Variants in ERC2 observed in about 807,000 individuals in gnomAD.
The protein encoded by ERC2 is ELKS/RAB6-interacting/CAST family member 2.
Under a neutral mutation model 114.8 loss-of-function variants are expected in ERC2, and 42 were observed. The observed-to-expected ratio is 0.37, with a 90% CI of 0.29 to 0.47. The LOEUF is 0.47. Ranked by LOEUF, ERC2 falls within the 20% of genes least tolerant of loss-of-function variation. The pLI, the probability that ERC2 is intolerant of heterozygous loss-of-function variation, is 0.99. For synonymous variants in ERC2, 454 were observed against 425.5 expected (o/e 1.07, Z -0.82); for missense variants, 939 against 1,150.7 (o/e 0.82, Z 2.66).
Position 55,834,390 on chromosome 3 carries a change from C to G in ERC2, c.2564+53999G>C, listed in dbSNP as rs142509206. On this transcript the variant is annotated intron_variant, in intron 14 of 17. Transcript: ENST00000288221. ...GCTCTCCTCAGCAAATGTAAAAGAA[C>G]AGAAGTTATAACAAATGGTCTCTCA... 2.2e-4 allele frequency among the ~76,000 whole-genome samples: 34 copies of G among 152,200 alleles called. No individual in the cohort carries two copies. In the East Asian group the frequency reaches 3.5e-3, roughly 16 times the overall value.
At chr3:55,866,732 G>A (rs1000010955) in intron 14 of ERC2, among the ~76,000 whole-genome samples, 12 of 152,134 alleles carry the variant, frequency 7.9e-5, no homozygotes, top group African/African-American at 2.7e-4. Context: ...TACCAATAAT[G>A]TCTTCCTTAA....
intron 2 of ERC2, among the ~76,000 whole-genome samples, chr3:56,327,449 T>G (rs35958142): frequency 0.35 from 53,456 of 151,978 alleles, 9,510 homozygotes; most frequent in African/African-American, 0.37. Flanking sequence ...AATTCAAGAT[T>G]AGACACAAAG....
intron 3 of ERC2, among the ~76,000 whole-genome samples, chr3:56,235,751 T>A (rs1163823719): frequency 6.6e-6 from 1 of 152,210 alleles, no homozygotes; most frequent in Non-Finnish European, 1.5e-5. Context: ...ATGTGAAATA[T>A]AATTAAAAGT....
intron 2 of ERC2, among the ~76,000 whole-genome samples, chr3:56,339,788 TA>T (rs547908550): frequency 8.9e-4 from 135 of 152,136 alleles, no homozygotes; most frequent in African/African-American, 3.0e-3. Context: ...GTATAAACAA[TA>T]GGGACAACAC....
chr3:56,101,387 C>T (rs2078346573), intron 6 of ERC2, among the ~76,000 whole-genome samples: 2 of 112,882 alleles, frequency 1.8e-5, no homozygotes, highest in South Asian at 5.4e-4. Context: ...ATACGTGCTT[C>T]ACCTGTTCCT....
intron 13 of ERC2, among the ~76,000 whole-genome samples, chr3:55,905,403 C>T (rs1296605316): frequency 6.6e-6 from 1 of 151,354 alleles, no homozygotes; most frequent in African/African-American, 2.5e-5. Context: ...TTTTTGTGGA[C>T]CTCACAGTTT....
intron 6 of ERC2, among the ~76,000 whole-genome samples, chr3:56,125,903 G>A (rs1458248255): frequency 6.6e-6 from 1 of 152,142 alleles, no homozygotes; most frequent in East Asian, 1.9e-4. Context: ...AATTCAAAGA[G>A]CCCATGCAGG....
intron 15 of ERC2, among the ~76,000 whole-genome samples, chr3:55,716,378 G>C (rs1222619721): frequency 1.3e-5 from 2 of 152,166 alleles, no homozygotes; most frequent in African/African-American, 4.8e-5. Flanking sequence ...CTCCATAACA[G>C]TTGGGTTCAA....
At chr3:56,050,016 T>C (rs1248861402) in intron 7 of ERC2, among the ~76,000 whole-genome samples, 1 of 151,930 alleles carries the variant, frequency 6.6e-6, no homozygotes, top group African/African-American at 2.4e-5. Flanking sequence ...AAGGCAAAAC[T>C]ATTGGGACGA....
chr3:55,719,555 TG>T (rs2064326958), intron 15 of ERC2, among the ~76,000 whole-genome samples: 1 of 152,198 alleles, frequency 6.6e-6, no homozygotes, highest in Admixed American at 6.5e-5. Context: ...CAGCTCTGGT[TG>T]GGTCTGCTCC....
chr3:56,114,920 A>C lies in ERC2; in HGVS notation c.1473+24589T>G, dbSNP rs767388033. ...CCAGATTGTCTTTGTAAAGCCAACA[A>C]ATTAGCCACAAGATTAGAAATCATG... is the stretch of plus-strand genomic sequence containing the variant. On this transcript the variant is annotated intron_variant, in intron 6 of 17. Transcript: ENST00000288221. Among the ~76,000 whole-genome samples the C allele has an allele frequency of 3.3e-5, 5 of 152,184 alleles. 1 individual carries two copies. Among genetic ancestry groups the C allele is most frequent in the Non-Finnish European group, 7.3e-5 (5 of 68,028 alleles).
chr3:56,211,024 C>T (rs2049027311), intron 3 of ERC2, among the ~76,000 whole-genome samples: 1 of 152,160 alleles, frequency 6.6e-6, no homozygotes, highest in South Asian at 2.1e-4. Context: ...AGTTGCTAGA[C>T]TTCCAAAGCT....
At chr3:55,564,093 C>T (rs559646648) in intron 17 of ERC2, among the ~76,000 whole-genome samples, 45 of 152,244 alleles carry the variant, frequency 3.0e-4, no homozygotes, top group African/African-American at 9.9e-4. Context: ...TGTTCTAAGG[C>T]GCGGTATCTG....
At chr3:56,089,111 G>A (rs2077653730) in intron 6 of ERC2, among the ~76,000 whole-genome samples, 2 of 152,124 alleles carry the variant, frequency 1.3e-5, no homozygotes, top group African/African-American at 4.8e-5. Context: ...GTGGGTGGGT[G>A]GACAGATGGG....
intron 2 of ERC2, among the ~76,000 whole-genome samples, chr3:56,388,922 C>A (rs543457698): frequency 6.6e-6 from 1 of 152,006 alleles, no homozygotes; most frequent in South Asian, 2.1e-4. Context: ...CCTTTAAAAT[C>A]AACATTAATT....
intron 17 of ERC2, among the ~76,000 whole-genome samples, chr3:55,630,285 T>C (rs892388539): frequency 4.6e-5 from 7 of 152,164 alleles, no homozygotes; most frequent in African/African-American, 1.4e-4. Flanking sequence ...TTCTCCTGCC[T>C]CCGCCGCCTG....
intron 17 of ERC2, among the ~76,000 whole-genome samples, chr3:55,592,406 C>A (rs1403537130): frequency 1.3e-5 from 2 of 152,124 alleles, no homozygotes; most frequent in East Asian, 3.9e-4. Flanking sequence ...CTGCCCTCTC[C>A]TTCTGGGAAG....
At position 56,306,994 on chromosome 3, in the gene ERC2, T is replaced by C. The variant is rs1010407694; in HGVS notation, c.658-10559A>G. Among the ~76,000 whole-genome samples, 4 of 152,196 alleles carry C rather than the reference T, an allele frequency of 2.6e-5. No homozygotes were observed. In the East Asian group the frequency reaches 7.7e-4, roughly 29 times the overall value. On this transcript the variant is annotated intron_variant, in intron 2 of 17. Coordinates refer to ENST00000288221, the MANE Select transcript of ERC2 (RefSeq NM_015576.3). ...CCCACGTATCAGCAGAGCCTGTGCC[T>C]ACAGCCATCCTCCTTCACCCTGCAT...
chr3:55,977,729 C>T (rs748121654), intron 12 of ERC2, among the ~76,000 whole-genome samples: 1 of 152,064 alleles, frequency 6.6e-6, no homozygotes, highest in Non-Finnish European at 1.5e-5. Context: ...GGAATTTATC[C>T]TACAGATATA....
Sources: gnomAD v4.1 joint callset for allele counts (sites outside exome capture counted in the v4.1 genomes callset) on GRCh38, gnomAD v4.1.1 for gene constraint, MANE v1.5 for transcripts, NCBI Gene and HGNC (gene_info 2026-07-23, HGNC 2026-07-21) for gene names.